Variants in PAPSS2 observed in about 807,000 individuals in gnomAD.
The protein encoded by PAPSS2 is bifunctional 3'-phosphoadenosine 5'-phosphosulfate synthase 2.
Under a neutral mutation model 66.5 loss-of-function variants are expected in PAPSS2, and 61 were observed. That is an observed-to-expected ratio of 0.92 (90% confidence interval 0.75 to 1.14). PAPSS2 has a LOEUF of 1.14. Among genes scored for constraint, PAPSS2 ranks in the 50% most tolerant of loss-of-function variants. The pLI, the probability that PAPSS2 is intolerant of heterozygous loss-of-function variation, is 0.00. For synonymous variants in PAPSS2, 289 were observed against 287.5 expected (o/e 1.01, Z -0.05); for missense variants, 708 against 789.6 (o/e 0.90, Z 1.24).
chr10:87,687,764 G>A (rs533718323), intron 1 of PAPSS2, among the ~76,000 whole-genome samples: 1 of 152,066 alleles, frequency 6.6e-6, no homozygotes, highest in Non-Finnish European at 1.5e-5. Context: ...TACATGTATC[G>A]AAATATCACC....
intron 7 of PAPSS2, among the ~76,000 whole-genome samples, chr10:87,719,404 T>C (rs1047902344): frequency 6.6e-6 from 1 of 152,194 alleles, no homozygotes; most frequent in African/African-American, 2.4e-5. Context: ...AAAGAATGCC[T>C]GATTCAATAG....
At chr10:87,726,990 A>G (rs1422860518) in intron 8 of PAPSS2, among the ~76,000 whole-genome samples, 2 of 152,222 alleles carry the variant, frequency 1.3e-5, no homozygotes, top group East Asian at 1.9e-4. Context: ...CTTAGATATG[A>G]AAAGGGAACC....
chr10:87,673,689 C>CTTTTTTTTTTTTTTGTTTTT (rs1852908785), intron 1 of PAPSS2, among the ~76,000 whole-genome samples: 1 of 67,424 alleles, frequency 1.5e-5, no homozygotes, highest in Non-Finnish European at 2.9e-5. Context: ...TTTTGGCTTA[C>CTTTTTTTTTTTTTTGTTTTT]TTTTTTTTTT....
At position 87,715,769 on chromosome 10, in the gene PAPSS2, G is replaced by T; in HGVS notation, c.791G>T (p.Trp264Leu). The T allele has an allele frequency of 6.2e-7, 1 of 1,613,634 alleles. No homozygotes were observed. The highest frequency in any genetic ancestry group is 8.5e-7 in the Non-Finnish European group (1 of 1,179,590). The change falls in exon 7 of 13, where the codon TGG (tryptophan) becomes TTG (leucine). Residue 264 changes from tryptophan to leucine, a missense_variant. Trp to Leu is a moderately conservative substitution (Grantham distance 61, BLOSUM62 -2). Coordinates refer to ENST00000456849, the MANE Select transcript of PAPSS2 (RefSeq NM_001015880.2). ...LQWVQVLSEG[W>L]ATPLKGFMRE... Reference sequence around the variant, plus strand: ...TGGGTCCAGGTTTTGAGCGAAGGCTGGGCCACTCCCCTCAAAGGTTTCATG... The same window carrying T: ...TGGGTCCAGGTTTTGAGCGAAGGCTTGGCCACTCCCCTCAAAGGTTTCATG...
At chr10:87,732,113 C>T (rs1018507191) in intron 9 of PAPSS2, among the ~76,000 whole-genome samples, 1 of 152,144 alleles carries the variant, frequency 6.6e-6, no homozygotes, top group African/African-American at 2.4e-5. Context: ...CACAGCCACC[C>T]CAGACTTTAG....
At chr10:87,690,382 A>T (rs1853157628) in intron 1 of PAPSS2, among the ~76,000 whole-genome samples, 1 of 152,210 alleles carries the variant, frequency 6.6e-6, no homozygotes, top group Admixed American at 6.5e-5. Context: ...TGCATAAAAA[A>T]CTGACAGAGC....
intron 1 of PAPSS2, among the ~76,000 whole-genome samples, chr10:87,695,940 AG>A (rs1450767980): frequency 6.6e-6 from 1 of 152,194 alleles, no homozygotes; most frequent in Middle Eastern, 3.2e-3. Flanking sequence ...CACCCAGGAT[AG>A]CCATGAAATC....
rs1554860716 is a variant in PAPSS2 at position 87,659,902 on chromosome 10, T to TGCC, written c.-78_-77insCGC. On this transcript the variant is annotated 5_prime_UTR_variant, in exon 1 of 13. Coordinates refer to ENST00000456849, the MANE Select transcript of PAPSS2 (RefSeq NM_001015880.2). Reference sequence around the variant, plus strand: ...CAGCCGCTGCTGCTGCTGCTGCTGCTGCTGCCGCCGCCGCCGCCGCCGTCC... The same window carrying TGCC: ...CAGCCGCTGCTGCTGCTGCTGCTGCTGCCGCTGCCGCCGCCGCCGCCGCCGTCC... The TGCC allele has an allele frequency of 5.5e-6, 8 of 1,446,688 alleles. No homozygotes were observed. Among genetic ancestry groups the TGCC allele is most frequent in the Non-Finnish European group, 7.7e-6 (8 of 1,035,476 alleles). 89.6% of individuals were successfully genotyped at this position (1,446,688 alleles called of 1,614,324 possible).
Position 87,709,214 on chromosome 10 carries a change from A to G in PAPSS2, c.46A>G (p.Thr16Ala), listed in dbSNP as rs756758530. The G allele has an allele frequency of 3.7e-6, 6 of 1,612,642 alleles. No individual in the cohort carries two copies. The South Asian group carries it at 6.6e-5, about 18-fold the overall frequency. Residue 16 changes from threonine to alanine, a missense_variant, in exon 2 of 13, where the codon ACC (threonine) becomes GCC (alanine). Thr to Ala is a moderately conservative substitution (Grantham distance 58, BLOSUM62 0). Coordinates refer to ENST00000456849, the MANE Select transcript of PAPSS2 (RefSeq NM_001015880.2). Reference sequence around the variant, plus strand: ...TTTATAGGAGAACCAGCAGAAATCCACCAATGTAGTCTATCAGGCCCACCA... The same window carrying G: ...TTTATAGGAGAACCAGCAGAAATCCGCCAATGTAGTCTATCAGGCCCACCA... The part of the protein sequence containing the change: ...KQKTENQQKS[T>A]NVVYQAHHVS...
chr10:87,667,488 G>A (rs920473883), intron 1 of PAPSS2, among the ~76,000 whole-genome samples: 1 of 152,076 alleles, frequency 6.6e-6, no homozygotes, highest in Admixed American at 6.6e-5. Flanking sequence ...ATAAATTGGT[G>A]CACAAGATGA....
At chr10:87,719,811 C>G (rs1853573536) in intron 7 of PAPSS2, among the ~76,000 whole-genome samples, 1 of 152,116 alleles carries the variant, frequency 6.6e-6, no homozygotes, top group South Asian at 2.1e-4. Context: ...CAGTCATTTT[C>G]TGAGACCTAG....
intron 9 of PAPSS2, among the ~76,000 whole-genome samples, chr10:87,731,771 T>C (rs1389585237): frequency 6.6e-6 from 1 of 152,196 alleles, no homozygotes; most frequent in Non-Finnish European, 1.5e-5. Flanking sequence ...AAGTGGAGCC[T>C]GAAGAAGTAA....
At chr10:87,736,263 C>CTTTTTTTTTTTTTT (rs10553485) in intron 9 of PAPSS2, among the ~76,000 whole-genome samples, 24 of 103,240 alleles carry the variant, frequency 2.3e-4, no homozygotes, top group South Asian at 6.4e-4. Context: ...TTCTTTCTTT[C>CTTTTTTTTTTTTTT]TTTTTTTTTT....
chr10:87,728,069 T>C (rs1049487274), intron 9 of PAPSS2, among the ~76,000 whole-genome samples: 2 of 152,118 alleles, frequency 1.3e-5, no homozygotes, highest in African/African-American at 4.8e-5. Flanking sequence ...GAAAAAAATG[T>C]GTTCATCTGA....
chr10:87,735,966 C>T (rs1369360604), intron 9 of PAPSS2, among the ~76,000 whole-genome samples: 1 of 152,180 alleles, frequency 6.6e-6, no homozygotes, highest in Non-Finnish European at 1.5e-5. Flanking sequence ...TTCGTGTCTT[C>T]CTACTAGGTG....
chr10:87,678,047 C>A (rs1173096968), intron 1 of PAPSS2, among the ~76,000 whole-genome samples: 1 of 152,146 alleles, frequency 6.6e-6, no homozygotes, highest in African/African-American at 2.4e-5. Flanking sequence ...TATATAATCA[C>A]AGAATGGGGA....
At chr10:87,717,465 C>A (rs1336090974) in intron 7 of PAPSS2, among the ~76,000 whole-genome samples, 1 of 152,132 alleles carries the variant, frequency 6.6e-6, no homozygotes, top group Non-Finnish European at 1.5e-5. Context: ...AACAAAAAAT[C>A]TTAGAGGCAA....
chr10:87,706,108 A>G (rs10887744), intron 1 of PAPSS2, among the ~76,000 whole-genome samples: 3,335 of 51,892 alleles, frequency 0.064, 269 homozygotes, highest in East Asian at 0.13. Context: ...ATATATATAT[A>G]TGTGTGTGTG....
At chr10:87,694,689 G>A (rs1360491017) in intron 1 of PAPSS2, among the ~76,000 whole-genome samples, 1 of 152,226 alleles carries the variant, frequency 6.6e-6, no homozygotes, top group East Asian at 1.9e-4. Flanking sequence ...TAAGTTCCAA[G>A]CTAAGGATTA....
Sources: gnomAD v4.1 joint callset for allele counts (sites outside exome capture counted in the v4.1 genomes callset) on GRCh38, gnomAD v4.1.1 for gene constraint, MANE v1.5 for transcripts, NCBI Gene and HGNC (gene_info 2026-07-23, HGNC 2026-07-21) for gene names.